Variants in TAMM41 observed in about 807,000 individuals in gnomAD.
TAMM41 encodes the protein TAM41 mitochondrial translocator assembly and maintenance homolog, also known as phosphatidate cytidylyltransferase, mitochondrial.
A neutral mutation model predicts 44.1 loss-of-function variants in TAMM41; 36 were observed. That is an observed-to-expected ratio of 0.82 (90% CI 0.63 to 1.08). TAMM41 has a LOEUF of 1.08. TAMM41 is among the 50% of genes least tolerant of loss of function. TAMM41 has a pLI of 0.00. For missense variants in TAMM41, 417 were observed against 404.3 expected, an observed-to-expected ratio of 1.03 and a Z score of -0.27; for synonymous variants, 164 against 153.1, an observed-to-expected ratio of 1.07 and a Z score of -0.53.
intron 4 of TAMM41, among the ~76,000 whole-genome samples, chr3:11,821,269 A>G (rs2078507554): frequency 6.6e-6 from 1 of 152,238 alleles, no homozygotes; most frequent in African/African-American, 2.4e-5. Flanking sequence ...TAATGAAAGA[A>G]TTATACAACT....
At position 11,790,566 on chromosome 3, in the gene TAMM41, A is replaced by G. The variant is rs759528443; in HGVS notation, c.953T>C (p.Val318Ala). The change falls in exon 8 of 8, where the codon GTG becomes GCG. Residue 318 changes from valine (V) to alanine (A), a missense_variant. By Grantham distance (64) the Val-to-Ala change is moderately conservative (BLOSUM62 0). Transcript: ENST00000455809. Reference protein sequence around the residue: ...GIFTAGLKKSVIYSSLKLHKM... With the variant: ...GIFTAGLKKSAIYSSLKLHKM... ...GTGCAGTTTTAGTGAACTATAAATC[A>G]CTGACTTCTTCAGGCCTAAAAGAGA... The G allele has an allele frequency of 3.1e-6, 5 of 1,613,776 alleles. No homozygotes were observed. The highest frequency in any genetic ancestry group is 4.2e-6 in the Non-Finnish European group (5 of 1,179,906).
At chr3:11,827,844 A>G (rs1476453652) in intron 4 of TAMM41, among the ~76,000 whole-genome samples, 3 of 152,164 alleles carry the variant, frequency 2.0e-5, no homozygotes, top group Admixed American at 2.0e-4. Flanking sequence ...TATTGCTACA[A>G]ATAATACCAA....
At chr3:11,807,005 G>A (rs1047911933) in intron 7 of TAMM41, 4 of 212,336 alleles carry the variant, frequency 1.9e-5, no homozygotes. Context: ...GGTGAAGACA[G>A]ACAAAAAAGA....
At chr3:11,824,574 G>A (rs554898997) in intron 4 of TAMM41, among the ~76,000 whole-genome samples, 41 of 152,222 alleles carry the variant, frequency 2.7e-4, no homozygotes, top group Non-Finnish European at 4.3e-4. Flanking sequence ...GATTACAGGC[G>A]TAAGCCACCA....
At chr3:11,785,962 A>G (rs1460211400), downstream of TAMM41, among the ~76,000 whole-genome samples, 1 of 152,184 alleles carries the variant, frequency 6.6e-6, no homozygotes, top group Non-Finnish European at 1.5e-5. Context: ...CAGCTCTAGC[A>G]GTGGCAAAGG....
intron 5 of TAMM41, 199 bp from the exon 6 acceptor site, chr3:11,809,881 C>A: frequency 6.4e-5 from 30 of 471,486 alleles, no homozygotes; most frequent in East Asian, 1.1e-4. Context: ...TCAAAAAGGA[C>A]AATTCTTGTC....
intron 7 of TAMM41, among the ~76,000 whole-genome samples, chr3:11,793,105 C>T (rs1231074555): frequency 2.0e-5 from 3 of 147,864 alleles, no homozygotes; most frequent in Non-Finnish European, 4.4e-5. Flanking sequence ...TGACAAGCCA[C>T]GGAGTGGGGG....
intron 7 of TAMM41, among the ~76,000 whole-genome samples, chr3:11,791,599 A>G (rs1028199030): frequency 1.3e-5 from 2 of 152,098 alleles, no homozygotes; most frequent in African/African-American, 4.8e-5. Context: ...CTGGCAGTGC[A>G]CTTTGGTGAG....
chr3:11,736,196 A>C, the TAMM41 span, among the ~76,000 whole-genome samples: 4 of 152,208 alleles, frequency 2.6e-5, no homozygotes, highest in East Asian at 7.7e-4. Flanking sequence ...CATAATGTGG[A>C]GTACAGAATA....
chr3:11,778,573 C>G, the TAMM41 span, among the ~76,000 whole-genome samples: 3 of 152,212 alleles, frequency 2.0e-5, no homozygotes, highest in Non-Finnish European at 4.4e-5. Context: ...GAGGGCTCCA[C>G]TGTCTTCATG....
In TAMM41 at chr3:11,846,527, T is replaced by G; in HGVS notation, c.110A>C (p.Gln37Pro). 1.2e-6 allele frequency: 2 copies of G among 1,614,176 alleles called. No individual in the cohort carries two copies. Among genetic ancestry groups the G allele is most frequent in the Middle Eastern group, 1.6e-4 (1 of 6,062 alleles). ...CTTCTGGTCTGAACTCGGCCCTGCC[T>G]GGCGGTACACCCCGGAGCCGTAGAC... ...AFVYGSGVYR[Q>P]AGPSSDQKNA... The change falls in exon 1 of 8, where the codon CAG becomes CCG. Residue 37 changes from glutamine (Q) to proline (P), a missense_variant. Physicochemically the swap from Gln to Pro is moderately conservative, Grantham distance 76. Coordinates refer to ENST00000455809, the MANE Select transcript of TAMM41 (RefSeq NM_001284401.2).
At chr3:11,801,540 G>A (rs1264190955) in intron 7 of TAMM41, among the ~76,000 whole-genome samples, 2 of 151,982 alleles carry the variant, frequency 1.3e-5, no homozygotes, top group Non-Finnish European at 2.9e-5. Flanking sequence ...TGCCCAGGCT[G>A]GTTTCAAACT....
chr3:11,789,730 G>A (rs1303071990), downstream of TAMM41, among the ~76,000 whole-genome samples: 1 of 152,184 alleles, frequency 6.6e-6, no homozygotes, highest in Non-Finnish European at 1.5e-5. Flanking sequence ...TTTCTAAGAG[G>A]CCATCTGAAA....
At chr3:11,753,984 TCTC>T in the TAMM41 span, among the ~76,000 whole-genome samples, 1 of 152,020 alleles carries the variant, frequency 6.6e-6, no homozygotes, top group Admixed American at 6.6e-5. Flanking sequence ...GGCCTCGTGT[TCTC>T]CTCACATCCC....
At chr3:11,789,418 A>G (rs1197272230), downstream of TAMM41, among the ~76,000 whole-genome samples, 1 of 152,212 alleles carries the variant, frequency 6.6e-6, no homozygotes, top group East Asian at 1.9e-4. Flanking sequence ...AAAAAAGACA[A>G]GCTGAGGTTC....
At chr3:11,741,571 A>G in the TAMM41 span, among the ~76,000 whole-genome samples, 18 of 150,344 alleles carry the variant, frequency 1.2e-4, no homozygotes, top group South Asian at 3.7e-3. Context: ...CTAAGCACTT[A>G]TCATTCACAG....
chr3:11,785,575 C>T (rs2077411831), downstream of TAMM41, among the ~76,000 whole-genome samples: 3 of 152,206 alleles, frequency 2.0e-5, no homozygotes, highest in Admixed American at 1.3e-4. Context: ...CCACCTACCT[C>T]GGCCTCCCAA....
At chr3:11,794,709 A>T (rs1435185242) in intron 7 of TAMM41, among the ~76,000 whole-genome samples, 1 of 152,194 alleles carries the variant, frequency 6.6e-6, no homozygotes, top group Non-Finnish European at 1.5e-5. Flanking sequence ...AAGTTAATAC[A>T]CACGTAAGAC....
chr3:11,826,739 A>G (rs1249902779), intron 4 of TAMM41: 1 of 152,096 alleles, frequency 6.6e-6, no homozygotes, highest in Non-Finnish European at 1.5e-5. Flanking sequence ...TGGTATTCAA[A>G]CTAGTCCACC....
Sources: gnomAD v4.1 joint callset for allele counts (sites outside exome capture counted in the v4.1 genomes callset) on GRCh38, gnomAD v4.1.1 for gene constraint, MANE v1.5 for transcripts, NCBI Gene and HGNC (gene_info 2026-07-23, HGNC 2026-07-21) for gene names.